Variants in TMC2 observed in about 807,000 individuals in gnomAD.
The protein encoded by TMC2 is transmembrane channel-like protein 2.
In TMC2, 102 loss-of-function variants were observed where a neutral mutation model predicts 105.9. The ratio of observed to expected loss-of-function variants is 0.96; its 90% confidence interval spans 0.82 to 1.14. The LOEUF is 1.14. TMC2 is among the 50% of genes most tolerant of loss of function. The pLI, the probability that TMC2 is intolerant of heterozygous loss-of-function variation, is 0.00. For synonymous variants in TMC2, 402 were observed against 422.8 expected (o/e 0.95, Z 0.60); for missense variants, 1,093 against 1,134.3 (o/e 0.96, Z 0.52).
At chr20:2,570,322 A>G (rs541128298) in intron 4 of TMC2, among the ~76,000 whole-genome samples, 3 of 152,364 alleles carry the variant, frequency 2.0e-5, no homozygotes, top group Admixed American at 1.3e-4. Flanking sequence ...CAATGTACAA[A>G]TGTACAAAAA....
chr20:2,616,547 A>G lies in TMC2; in HGVS notation c.1940+343A>G, dbSNP rs2086483525. Among the ~76,000 whole-genome samples, 1 of 149,348 alleles carries G rather than the reference A, an allele frequency of 6.7e-6. No individual in the cohort carries two copies. The highest frequency in any genetic ancestry group is 1.5e-5 in the Non-Finnish European group (1 of 66,696). On this transcript the variant is annotated intron_variant, in intron 15 of 19. Coordinates refer to ENST00000358864, the MANE Select transcript of TMC2 (RefSeq NM_080751.3). The surrounding 1 kb of genome is among the most constrained non-coding windows in gnomAD (Gnocchi z 4.8). The stretch of plus-strand genomic sequence containing the variant: ...GGAAGGAGTAAAGAAGAGGAGGAAA[A>G]GAGGAGGAAAGGAAAATAAAGAAGG...
chr20:2,597,718 G>A (rs1307112347), intron 10 of TMC2, among the ~76,000 whole-genome samples: 1 of 150,274 alleles, frequency 6.7e-6, no homozygotes, highest in Non-Finnish European at 1.5e-5. Context: ...GGCTGGTCTT[G>A]AACTGCTGAC....
chr20:2,562,136 C>A, intron 4 of TMC2, 126 bp downstream of exon 4: 1 of 1,202,636 alleles, frequency 8.3e-7, no homozygotes, highest in Non-Finnish European at 1.1e-6. Flanking sequence ...GCGAGGACAG[C>A]ACTCAGGGAG....
At chr20:2,567,604 C>T (rs1179257580) in intron 4 of TMC2, among the ~76,000 whole-genome samples, 1 of 151,780 alleles carries the variant, frequency 6.6e-6, no homozygotes, top group African/African-American at 2.4e-5. Context: ...CACTATATTG[C>T]TCAGGCTGGT....
intron 16 of TMC2, among the ~76,000 whole-genome samples, chr20:2,620,318 T>C (rs553181445): frequency 1.3e-5 from 2 of 152,344 alleles, no homozygotes; most frequent in East Asian, 3.9e-4. Context: ...CTAGATTCAC[T>C]GTCATGAGAA....
intron 16 of TMC2, among the ~76,000 whole-genome samples, chr20:2,620,450 C>T (rs2086516845): frequency 6.6e-6 from 1 of 152,154 alleles, no homozygotes; most frequent in African/African-American, 2.4e-5. Flanking sequence ...ACTAATGCAT[C>T]GCCTCAACCA....
intron 7 of TMC2, among the ~76,000 whole-genome samples, chr20:2,588,147 GAT>G (rs1031219944): frequency 2.0e-5 from 3 of 152,046 alleles, no homozygotes; most frequent in African/African-American, 7.2e-5. Context: ...AGAAGTCACA[GAT>G]ATTCAAAACA....
intron 10 of TMC2, among the ~76,000 whole-genome samples, chr20:2,598,394 CTTTATTTATTTATTTA>C (rs71193979): frequency 7.1e-6 from 1 of 139,892 alleles, no homozygotes; most frequent in African/African-American, 2.7e-5. Context: ...CTTGCCTCTA[CTTTATTTATTTATTTA>C]TTTATTTATT....
At chr20:2,603,019 T>G (rs2086363133) in intron 11 of TMC2, among the ~76,000 whole-genome samples, 2 of 152,234 alleles carry the variant, frequency 1.3e-5, no homozygotes, top group Non-Finnish European at 2.9e-5. Flanking sequence ...TGCTTGTGTA[T>G]TGAGACTTGC....
chr20:2,606,901 T>C (rs1486264977), intron 11 of TMC2, among the ~76,000 whole-genome samples: 32 of 148,498 alleles, frequency 2.2e-4, no homozygotes, highest in Non-Finnish European at 4.2e-4. Context: ...CTTTTTTTTT[T>C]TTTTTTTTTG....
chr20:2,539,244 A>G (rs2085872484), intron 2 of TMC2, among the ~76,000 whole-genome samples: 1 of 152,156 alleles, frequency 6.6e-6, no homozygotes, highest in Non-Finnish European at 1.5e-5. Context: ...GTCTGTTGAA[A>G]ACTGATTATG....
chr20:2,639,309 C>A (rs2086671791), intron 19 of TMC2, among the ~76,000 whole-genome samples: 1 of 152,236 alleles, frequency 6.6e-6, no homozygotes, highest in Admixed American at 6.5e-5. Context: ...CTCACTGACT[C>A]ACCCAGAGCA....
At chr20:2,560,266 CAA>C (rs11290538) in intron 3 of TMC2, among the ~76,000 whole-genome samples, 253 of 146,204 alleles carry the variant, frequency 1.7e-3, no homozygotes, top group Admixed American at 1.8e-3. Context: ...TGAAGTATGG[CAA>C]AAAAAAAAAA....
At chr20:2,566,336 T>A (rs1379196597) in intron 4 of TMC2, among the ~76,000 whole-genome samples, 1 of 152,252 alleles carries the variant, frequency 6.6e-6, no homozygotes, top group Non-Finnish European at 1.5e-5. Context: ...AGCTTGAACA[T>A]CTTTTATGCC....
chr20:2,580,220 T>A (rs112180840), intron 7 of TMC2, among the ~76,000 whole-genome samples, 164 bp downstream of exon 7: 5,528 of 152,266 alleles, frequency 0.036, 306 homozygotes, highest in African/African-American at 0.12. Flanking sequence ...TAATTTTAAT[T>A]TTTTGCCATT....
rs1568526535 is a variant in TMC2, at chr20:2,617,126, G to A, written c.1995G>A (p.Leu665=). Residue 665 remains leucine, a synonymous_variant, in exon 16 of 20, where the codon CTG becomes CTA. Coordinates refer to ENST00000358864, the MANE Select transcript of TMC2 (RefSeq NM_080751.3). ...TGGGCATTAATGTGCTGCGCCTGCT[G>A]ACCTCCATGTACTTCCAGTGCTGGG... is the stretch of plus-strand genomic sequence containing the variant. ...GLVGINVLRL[L]TSMYFQCWAV... The A allele has an allele frequency of 2.5e-6, 4 of 1,614,198 alleles. No individual in the cohort carries two copies. Among genetic ancestry groups the A allele is most frequent in the African/African-American group, 1.3e-5 (1 of 75,050 alleles).
At chr20:2,637,413 A>G (rs2086656316) in intron 18 of TMC2, 61 bp from the exon 19 acceptor site, 4 of 1,019,070 alleles carry the variant, frequency 3.9e-6, no homozygotes, top group Non-Finnish European at 4.5e-6. Context: ...CACTCTCAAC[A>G]CCTCTGAGCC....
At chr20:2,566,786 C>T (rs1307570738) in intron 4 of TMC2, among the ~76,000 whole-genome samples, 1 of 152,156 alleles carries the variant, frequency 6.6e-6, no homozygotes, top group Non-Finnish European at 1.5e-5. Flanking sequence ...TCTTTTTTAC[C>T]TTCTATATCC....
At chr20:2,637,031 C>A (rs1417076763) in intron 18 of TMC2, among the ~76,000 whole-genome samples, 1 of 152,154 alleles carries the variant, frequency 6.6e-6, no homozygotes, top group African/African-American at 2.4e-5. Flanking sequence ...AATCTGAGAG[C>A]CTCAGGCTGC....
Sources: allele counts gnomAD v4.1 joint callset (sites outside exome capture counted in the v4.1 genomes callset), GRCh38; gene constraint gnomAD v4.1.1; non-coding constraint Gnocchi (gnomAD v3.1); transcripts MANE v1.5; gene names NCBI Gene and HGNC (gene_info 2026-07-23, HGNC 2026-07-21).